Variants in IGF2R observed in about 807,000 individuals in gnomAD.
The protein encoded by IGF2R is insulin like growth factor 2 receptor.
In IGF2R, 91 loss-of-function variants were observed where a neutral mutation model predicts 270.6. That is an observed-to-expected ratio of 0.34 (90% CI 0.28 to 0.40). The LOEUF (loss-of-function observed/expected upper bound fraction) is 0.40, where lower values mean the gene tolerates loss of function less well. Among genes scored for constraint, IGF2R ranks in the 10% least tolerant of loss-of-function variants. IGF2R has a pLI of 1.00. For missense variants in IGF2R, 2,805 were observed against 3,188.3 expected, an observed-to-expected ratio of 0.88 and a Z score of 2.90; for synonymous variants, 1,316 against 1,258.9, an observed-to-expected ratio of 1.05 and a Z score of -0.96.
At chr6:160,018,257 A>T (rs1434873401) in intron 4 of IGF2R, among the ~76,000 whole-genome samples, 1 of 152,212 alleles carries the variant, frequency 6.6e-6, no homozygotes, top group Non-Finnish European at 1.5e-5. Flanking sequence ...CAGTAAAAAA[A>T]AAGGAAAAAG....
At chr6:160,083,570 C>T (rs529715261) in intron 39 of IGF2R, among the ~76,000 whole-genome samples, 7 of 152,362 alleles carry the variant, frequency 4.6e-5, no homozygotes, top group African/African-American at 1.7e-4. Context: ...GGGGAGAAAC[C>T]TTGGACAATA....
chr6:160,051,143 A>C (rs1778187462), intron 19 of IGF2R, among the ~76,000 whole-genome samples: 1 of 152,230 alleles, frequency 6.6e-6, no homozygotes, highest in African/African-American at 2.4e-5. Context: ...ATGACCCAGT[A>C]GCCTAATGCA....
At chr6:160,044,366 AG>A (rs1336210632) in intron 12 of IGF2R, 147 bp from the exon 13 acceptor site, 2 of 732,352 alleles carry the variant, frequency 2.7e-6, no homozygotes, top group Non-Finnish European at 2.3e-6. Context: ...TGGTGGGTTC[AG>A]GGGGCTGGAG....
chr6:160,083,840 G>T, intron 39 of IGF2R, 110 bp from the exon 40 acceptor site: 2 of 780,132 alleles, frequency 2.6e-6, no homozygotes, highest in South Asian at 1.6e-5. Context: ...TCTCAGCAAA[G>T]CAATTGTTTA....
chr6:159,976,557 T>A (rs1328478775), intron 1 of IGF2R, among the ~76,000 whole-genome samples: 1 of 152,200 alleles, frequency 6.6e-6, no homozygotes, highest in African/African-American at 2.4e-5. Context: ...TTAGCTCTTT[T>A]ATTTTAAATC....
In IGF2R at chr6:160,025,124, T is replaced by G. The variant is rs1476473939; in HGVS notation, c.646+420T>G. 2.6e-5 allele frequency among the ~76,000 whole-genome samples: 4 copies of G among 152,220 alleles called. No individual in the cohort carries two copies. In the East Asian group the frequency reaches 7.7e-4, roughly 29 times the overall value. ...GCATATTTGGCCCAAGCTGACTTGT[T>G]CCTTTCTCTGTACTTGCCAAAACTG... On this transcript the variant is annotated intron_variant, in intron 5 of 47. Coordinates refer to ENST00000356956, the MANE Select transcript of IGF2R (RefSeq NM_000876.4).
chr6:160,087,942 T>C (rs1185578433), intron 41 of IGF2R, 91 bp from the exon 42 acceptor site: 4 of 768,934 alleles, frequency 5.2e-6, no homozygotes, highest in African/African-American at 1.7e-5. Context: ...TCCCAAAGTG[T>C]TGGAATTGAC....
chr6:159,980,138 A>G (rs756592119), intron 1 of IGF2R, among the ~76,000 whole-genome samples: 79 of 151,446 alleles, frequency 5.2e-4, no homozygotes, highest in African/African-American at 1.5e-3. Flanking sequence ...CTGAGATCGC[A>G]CCGCTGCACT....
At chr6:160,055,808 G>T (rs753395065) in intron 19 of IGF2R, among the ~76,000 whole-genome samples, 15 of 152,050 alleles carry the variant, frequency 9.9e-5, no homozygotes. Context: ...CTCCCTGATC[G>T]GCAGCTACCA....
intron 45 of IGF2R, among the ~76,000 whole-genome samples, chr6:160,100,658 C>G (rs1408908435): frequency 6.7e-6 from 1 of 148,522 alleles, no homozygotes; most frequent in African/African-American, 2.5e-5. Flanking sequence ...TTTGCCCAAG[C>G]TTACATCAAA....
At chr6:160,064,694 T>C in intron 28 of IGF2R, 110 bp from the exon 29 acceptor site, 1 of 1,104,620 alleles carries the variant, frequency 9.1e-7, no homozygotes, top group Non-Finnish European at 1.3e-6. Context: ...TCAGTTAGTA[T>C]TGATTTTCAT....
intron 2 of IGF2R, among the ~76,000 whole-genome samples, chr6:160,002,693 G>A (rs951866508): frequency 1.3e-5 from 2 of 151,970 alleles, no homozygotes; most frequent in Non-Finnish European, 1.5e-5. Context: ...ATAAATTTAT[G>A]AGTATTATTA....
At chr6:160,009,376 CTG>C (rs1784297963) in intron 3 of IGF2R, among the ~76,000 whole-genome samples, 1 of 152,146 alleles carries the variant, frequency 6.6e-6, no homozygotes, top group Admixed American at 6.5e-5. Context: ...AAAGTGATTA[CTG>C]TGTTAAAAAT....
chr6:160,035,091 T>C (rs189020527), intron 10 of IGF2R, among the ~76,000 whole-genome samples: 1 of 152,228 alleles, frequency 6.6e-6, no homozygotes, highest in Non-Finnish European at 1.5e-5. Context: ...ATCTTGACGA[T>C]TGTAGACACA....
At position 160,024,709 on chromosome 6, in the gene IGF2R, G is replaced by T; in HGVS notation, c.646+5G>T. On this transcript the variant is annotated splice_donor_5th_base_variant and intron_variant, in intron 5 of 47. Coordinates refer to ENST00000356956, the MANE Select transcript of IGF2R (RefSeq NM_000876.4). ...TCAATGTTTGTAGAGACATAGGTATGAATCTTTGTGGGGCTGAGGGGGTGG... is the reference window on the plus strand; with the variant it reads ...TCAATGTTTGTAGAGACATAGGTATTAATCTTTGTGGGGCTGAGGGGGTGG... 6.2e-7 allele frequency: 1 copy of T among 1,613,938 alleles called. No homozygotes were observed. Among genetic ancestry groups the T allele is most frequent in the South Asian group, 1.1e-5 (1 of 91,052 alleles).
chr6:160,042,459 ACTCCTT>A (rs1275781980), intron 11 of IGF2R, among the ~76,000 whole-genome samples: 2 of 152,114 alleles, frequency 1.3e-5, no homozygotes, highest in Non-Finnish European at 2.9e-5. Context: ...TTTGTAAGTT[ACTCCTT>A]CAGCGACTGT....
At position 160,024,721 on chromosome 6, in the gene IGF2R, G is replaced by C. The variant is rs542606783; in HGVS notation, c.646+17G>C. 6.2e-7 allele frequency: 1 copy of C among 1,612,662 alleles called. No homozygotes were observed. Among genetic ancestry groups the C allele is most frequent in the Non-Finnish European group, 8.5e-7 (1 of 1,178,976 alleles). On this transcript the variant is annotated intron_variant, in intron 5 of 47. Coordinates refer to ENST00000356956, the MANE Select transcript of IGF2R (RefSeq NM_000876.4). ...GAGACATAGGTATGAATCTTTGTGGGGCTGAGGGGGTGGTGGTGAGGGATT... is the reference window on the plus strand; with the variant it reads ...GAGACATAGGTATGAATCTTTGTGGCGCTGAGGGGGTGGTGGTGAGGGATT...
rs59369382 is a variant in IGF2R, at chr6:159,993,985, A to ATTTTT, written c.289+2683_289+2687dup. Among the ~76,000 whole-genome samples, 353 of 60,986 alleles carry ATTTTT rather than the reference A, an allele frequency of 5.8e-3. 26 individuals carry two copies. Among genetic ancestry groups the ATTTTT allele is most frequent in the East Asian group, 0.015 (35 of 2,404 alleles). The allele number at this position is 60,986 out of a possible 152,430, so 40.0% of individuals were successfully genotyped here. ...GTTAGGGAGGATTCCCTCCAACTTG[A>ATTTTT]TTTTTTTTTTTTTTTTTTTTTTTTT... On this transcript the variant is annotated intron_variant, in intron 2 of 47. Transcript: ENST00000356956.
chr6:160,009,551 T>G, intron 3 of IGF2R, among the ~76,000 whole-genome samples: 1 of 152,350 alleles, frequency 6.6e-6, no homozygotes, highest in East Asian at 1.9e-4. Flanking sequence ...CACATCTATT[T>G]AGGAGAAGCC....
Sources: gnomAD v4.1 joint callset for allele counts (sites outside exome capture counted in the v4.1 genomes callset) on GRCh38, gnomAD v4.1.1 for gene constraint, MANE v1.5 for transcripts, NCBI Gene and HGNC (gene_info 2026-07-23, HGNC 2026-07-21) for gene names.